The following ZFYVE9 variants were observed in gnomAD, a reference collection of about 807,000 sequenced individuals.
ZFYVE9 encodes zinc finger FYVE domain-containing protein 9.
Under a neutral mutation model 126.7 loss-of-function variants are expected in ZFYVE9, and 43 were observed. The observed-to-expected ratio is 0.34, with a 90% CI of 0.27 to 0.44. The LOEUF (loss-of-function observed/expected upper bound fraction) is 0.44. Ranked by LOEUF, ZFYVE9 falls within the 20% of genes least tolerant of loss-of-function variation. ZFYVE9 has a pLI of 1.00. For synonymous variants in ZFYVE9, 521 were observed against 597.4 expected (o/e 0.87, Z 1.87); for missense variants, 1,476 against 1,697.0 (o/e 0.87, Z 2.29).
rs1286101846 is a variant in ZFYVE9, at chr1:52,220,352, T to G, written c.-37+3878T>G. On this transcript the variant is annotated intron_variant, in intron 2 of 18. Transcript: ENST00000287727. ...TATTAGTCCAAACCTGGATATGATA[T>G]GTTCCAACAGTGCTTTGACTACATT... is the stretch of plus-strand genomic sequence containing the variant. Among the ~76,000 whole-genome samples the G allele has an allele frequency of 3.3e-5, 5 of 152,194 alleles. No homozygotes were observed. In the East Asian group the frequency reaches 9.6e-4, roughly 29 times the overall value.
chr1:52,342,039 G>C (rs1646441496), intron 17 of ZFYVE9, among the ~76,000 whole-genome samples: 1 of 152,170 alleles, frequency 6.6e-6, no homozygotes, highest in African/African-American at 2.4e-5. Flanking sequence ...TCATGTGACT[G>C]TAACTTTGTG....
chr1:52,290,829 T>C (rs536307901), intron 10 of ZFYVE9, among the ~76,000 whole-genome samples: 19 of 152,344 alleles, frequency 1.2e-4, no homozygotes, highest in Non-Finnish European at 1.9e-4. Context: ...GAGAATACAG[T>C]GTTGCTGGTC....
At chr1:52,198,818 G>A (rs971510040) in intron 1 of ZFYVE9, among the ~76,000 whole-genome samples, 20 of 152,050 alleles carry the variant, frequency 1.3e-4, no homozygotes, top group Non-Finnish European at 1.9e-4. Flanking sequence ...CCTCACCCAC[G>A]TATAGCCTCC....
Position 52,295,925 on chromosome 1 carries a change from T to C in ZFYVE9, c.3281T>C (p.Phe1094Ser). Residue 1094 changes from phenylalanine to serine, a missense_variant, in exon 12 of 19, where the codon TTT (phenylalanine) becomes TCT (serine). Physicochemically the swap from Phe to Ser is radical, Grantham distance 155. Around this residue, in one of 2 missense-constraint regions of ZFYVE9, gnomAD observed 669 missense variants for 902.4 expected, o/e 0.74. Coordinates refer to ENST00000287727, the MANE Select transcript of ZFYVE9 (RefSeq NM_004799.4). The stretch of plus-strand genomic sequence containing the variant: ...CCATGCCCACTATTCAGTGTCAGAT[T>C]TCGGAAGCCATTGTTTGGAGAGACG... ...LYPCPLFSVRFRKPLFGETGH... is the reference protein window; with the variant it reads ...LYPCPLFSVRSRKPLFGETGH... The C allele has an allele frequency of 6.2e-7, 1 of 1,613,856 alleles. No homozygotes were observed. The highest frequency in any genetic ancestry group is 8.5e-7 in the Non-Finnish European group (1 of 1,179,878).
intron 4 of ZFYVE9, among the ~76,000 whole-genome samples, chr1:52,255,958 CTTTTCT>C (rs1327249628): frequency 0.049 from 4,023 of 82,366 alleles, 193 homozygotes; most frequent in African/African-American, 0.18. Context: ...CTTTTCTTTT[CTTTTCT>C]TTTCTTTCTT....
intron 4 of ZFYVE9, among the ~76,000 whole-genome samples, chr1:52,260,593 G>T (rs1249286480): frequency 6.6e-6 from 1 of 152,030 alleles, no homozygotes; most frequent in Non-Finnish European, 1.5e-5. Flanking sequence ...GAGCCGGGCA[G>T]ATCACCTGAG....
intron 1 of ZFYVE9, among the ~76,000 whole-genome samples, chr1:52,181,429 G>A (rs1292397254): frequency 6.6e-6 from 1 of 152,180 alleles, no homozygotes; most frequent in East Asian, 1.9e-4. Context: ...ATCTCGGCTC[G>A]CTACAATCTC....
intron 1 of ZFYVE9, among the ~76,000 whole-genome samples, chr1:52,161,849 G>A (rs1644462879): frequency 6.6e-6 from 1 of 151,744 alleles, no homozygotes; most frequent in Admixed American, 6.6e-5. Context: ...CTTCATAAAT[G>A]CAGATCTCTA....
At chr1:52,273,140 G>C (rs1286645612) in intron 7 of ZFYVE9, among the ~76,000 whole-genome samples, 1 of 151,988 alleles carries the variant, frequency 6.6e-6, no homozygotes, top group African/African-American at 2.4e-5. Context: ...CCTAGTAGCT[G>C]AGATTACAGG....
rs115831444 is a variant in ZFYVE9, at chr1:52,308,152, C to T, written c.3438+4227C>T. Among the ~76,000 whole-genome samples the T allele has an allele frequency of 5.8e-3, 884 of 152,252 alleles. 4 individuals carry two copies. The highest frequency in any genetic ancestry group is 9.2e-3 in the Non-Finnish European group (627 of 68,020). ...AATTGTGTTGTGTCTAATAATTCCACTTCATAGTTGAAAAAGTAATTTCTT... is the reference window on the plus strand; with the variant it reads ...AATTGTGTTGTGTCTAATAATTCCATTTCATAGTTGAAAAAGTAATTTCTT... On this transcript the variant is annotated intron_variant, in intron 13 of 18. Transcript: ENST00000287727.
At chr1:52,197,182 A>G (rs775991779) in intron 1 of ZFYVE9, among the ~76,000 whole-genome samples, 61 of 152,208 alleles carry the variant, frequency 4.0e-4, no homozygotes, top group Non-Finnish European at 7.1e-4. Flanking sequence ...TGTAGACAGA[A>G]AAGTAAATTG....
chr1:52,238,239 A>G lies in ZFYVE9; in HGVS notation c.822A>G (p.Gly274=). The change falls in exon 4 of 19, where the codon GGA becomes GGG. Residue 274 remains glycine, a synonymous_variant. Transcript: ENST00000287727. ...TTGATTCAGTAATCTCATCCCAGGG[A>G]ACAGATGGATGTCCTGCTGTTAAAA... The part of the protein sequence containing the change: ...LTVDSVISSQ[G]TDGCPAVKKQ... The G allele has an allele frequency of 6.2e-7, 1 of 1,614,066 alleles. No homozygotes were observed. The highest frequency in any genetic ancestry group is 8.5e-7 in the Non-Finnish European group (1 of 1,179,962).
chr1:52,331,568 C>G (rs574017959), intron 13 of ZFYVE9, among the ~76,000 whole-genome samples: 1 of 151,152 alleles, frequency 6.6e-6, no homozygotes, highest in Non-Finnish European at 1.5e-5. Context: ...CTGGCTAACA[C>G]GGTGAAACCT....
intron 1 of ZFYVE9, among the ~76,000 whole-genome samples, chr1:52,167,491 C>T (rs1051973911): frequency 2.0e-5 from 3 of 152,020 alleles, no homozygotes; most frequent in African/African-American, 7.2e-5. Flanking sequence ...TATGAATCCT[C>T]GCCTTGGTAA....
At chr1:52,277,893 T>C (rs1011050282) in intron 8 of ZFYVE9, among the ~76,000 whole-genome samples, 1 of 152,240 alleles carries the variant, frequency 6.6e-6, no homozygotes, top group Non-Finnish European at 1.5e-5. Context: ...GATTTACTGA[T>C]GATTTTAGTG....
chr1:52,263,078 C>CAAAAAAAAAAA (rs759753454), intron 4 of ZFYVE9, among the ~76,000 whole-genome samples: 1 of 70,342 alleles, frequency 1.4e-5, no homozygotes, highest in African/African-American at 4.8e-5. Context: ...AATTGTGTCT[C>CAAAAAAAAAAA]AAAAAAAAAA....
chr1:52,268,604 C>T lies in ZFYVE9; in HGVS notation c.2597C>T (p.Pro866Leu). 1 of 1,614,160 alleles carries T rather than the reference C, an allele frequency of 6.2e-7. No individual in the cohort carries two copies. Among genetic ancestry groups the T allele is most frequent in the South Asian group, 1.1e-5 (1 of 91,058 alleles). Residue 866 changes from proline to leucine, a missense_variant, in exon 7 of 19, where the codon CCA (proline) becomes CTA (leucine). By Grantham distance (98) the Pro-to-Leu change is moderately conservative. Around this residue, in one of 2 missense-constraint regions of ZFYVE9, gnomAD observed 669 missense variants for 902.4 expected, o/e 0.74. Transcript: ENST00000287727. ...TLAVSHDPVK[P>L]VTTSPLPAET... ...GCTGTGTCACACGACCCAGTCAAGC[C>T]AGTAACTACCAGTCCTCTACCAGCA...
intron 5 of ZFYVE9, among the ~76,000 whole-genome samples, chr1:52,264,737 G>A (rs925549868): frequency 2.0e-5 from 3 of 152,120 alleles, no homozygotes; most frequent in Admixed American, 6.5e-5. Flanking sequence ...TGCTCTGTCC[G>A]TCTGCATTGC....
intron 13 of ZFYVE9, among the ~76,000 whole-genome samples, chr1:52,309,267 A>G (rs1028880743): frequency 6.6e-6 from 1 of 152,202 alleles, no homozygotes; most frequent in South Asian, 2.1e-4. Context: ...GCTTGAGCCT[A>G]GGATTTAAAG....
Sources: allele counts gnomAD v4.1 joint callset (sites outside exome capture counted in the v4.1 genomes callset), GRCh38; gene constraint gnomAD v4.1.1; regional missense constraint gnomAD v4.1.1; transcripts MANE v1.5; gene names NCBI Gene and HGNC (gene_info 2026-07-23, HGNC 2026-07-21).